Variants in GTPBP4 observed in about 807,000 individuals in gnomAD.
GTPBP4 encodes GTP-binding protein 4.
In GTPBP4, 15 loss-of-function variants were observed where a neutral mutation model predicts 81.7. That is an observed-to-expected ratio of 0.18 (90% CI 0.12 to 0.28). The LOEUF (loss-of-function observed/expected upper bound fraction) is 0.28, where lower values mean the gene tolerates loss of function less well. Ranked by LOEUF, GTPBP4 falls within the 10% of genes least tolerant of loss-of-function variation. The pLI is 1.00. For synonymous variants in GTPBP4, 272 were observed against 274.6 expected, an observed-to-expected ratio of 0.99 and a Z score of 0.09; for missense variants, 847 against 793.8, an observed-to-expected ratio of 1.07 and a Z score of -0.81.
In GTPBP4 at chr10:1,005,060, C is replaced by A. The variant is rs554262087; in HGVS notation, c.913-758C>A. On this transcript the variant is annotated intron_variant, in intron 8 of 16. Transcript: ENST00000360803. ...GCCATCCTCTTGCTTACCCCCTCAC[C>A]GTAGGGAGAACCTCCTCCTGGGTCC... Among the ~76,000 whole-genome samples the A allele has an allele frequency of 4.6e-5, 7 of 152,246 alleles. No homozygotes were observed. The East Asian group carries it at 1.2e-3, about 25-fold the overall frequency.
At chr10:999,243 C>T in intron 6 of GTPBP4, 148 bp downstream of exon 6, 2 of 604,688 alleles carry the variant, frequency 3.3e-6, no homozygotes, top group Non-Finnish European at 6.0e-6. Flanking sequence ...CTCAGCCTTT[C>T]GAGTAGCAGG....
At chr10:992,707 G>A (rs1215741017) in intron 2 of GTPBP4, 48 bp downstream of exon 2, 1 of 1,147,340 alleles carries the variant, frequency 8.7e-7, no homozygotes, top group South Asian at 1.3e-5. Context: ...CGGGCTTTCA[G>A]AGAACCAGTG....
In GTPBP4 at chr10:992,488, G is replaced by A; in HGVS notation, c.49-1G>A. On this transcript the variant is annotated splice_acceptor_variant, in intron 1 of 16. Coordinates refer to ENST00000360803, the MANE Select transcript of GTPBP4 (RefSeq NM_012341.3). LOFTEE classifies it high-confidence loss of function. ...TTATGTTTTATTTTCTTTAATTGCAGGACTTCATAGACCTCACGTTGTCGA... is the reference window on the plus strand; with the variant it reads ...TTATGTTTTATTTTCTTTAATTGCAAGACTTCATAGACCTCACGTTGTCGA... 6.3e-7 allele frequency: 1 copy of A among 1,575,176 alleles called. No individual in the cohort carries two copies. Among genetic ancestry groups the A allele is most frequent in the Non-Finnish European group, 8.7e-7 (1 of 1,147,700 alleles).
intron 1 of GTPBP4, among the ~76,000 whole-genome samples, chr10:990,919 G>A (rs557413523): frequency 3.3e-5 from 5 of 151,840 alleles, no homozygotes; most frequent in South Asian, 4.2e-4. Flanking sequence ...CAGGATGTGC[G>A]AACGGCATTA....
At chr10:1,009,471 G>A in intron 11 of GTPBP4, 58 bp from the exon 12 acceptor site, 1 of 1,092,904 alleles carries the variant, frequency 9.1e-7, no homozygotes, top group Non-Finnish European at 1.4e-6. Context: ...AAGGGGCAGA[G>A]CATTTCTGGA....
intron 8 of GTPBP4, among the ~76,000 whole-genome samples, chr10:1,002,353 CTT>C (rs1385878714): frequency 2.0e-5 from 3 of 152,182 alleles, no homozygotes; most frequent in Non-Finnish European, 4.4e-5. Context: ...CTTCTTGTCT[CTT>C]TTTATTGTTT....
chr10:1,011,815 C>G (rs1419428976), intron 13 of GTPBP4, among the ~76,000 whole-genome samples: 1 of 152,186 alleles, frequency 6.6e-6, no homozygotes, highest in African/African-American at 2.4e-5. Flanking sequence ...TGGCCGCCTG[C>G]CTTCCCAGCC....
In GTPBP4 at chr10:1,004,898, G is replaced by A. The variant is rs181803907; in HGVS notation, c.913-920G>A. ...CCAGCCGCAGTTCCAGTCCCAAGAT[G>A]ATGGAGTATAGCCGCCCCATGGGCC... On this transcript the variant is annotated intron_variant, in intron 8 of 16. Transcript: ENST00000360803. Among the ~76,000 whole-genome samples the A allele has an allele frequency of 3.9e-5, 6 of 152,298 alleles. No individual in the cohort carries two copies. The East Asian group carries it at 1.2e-3, about 29-fold the overall frequency.
At chr10:994,830 C>T (rs929015102) in intron 2 of GTPBP4, among the ~76,000 whole-genome samples, 1 of 152,194 alleles carries the variant, frequency 6.6e-6, no homozygotes. Context: ...TCACTGAATG[C>T]TTATTGTCTG....
rs747289228 is a variant in GTPBP4, at chr10:1,017,053, T to G, written c.1753-22T>G. 5.6e-6 allele frequency: 9 copies of G among 1,599,706 alleles called. No individual in the cohort carries two copies. In the East Asian group the frequency reaches 2.0e-4, roughly 36 times the overall value. On this transcript the variant is annotated intron_variant, in intron 16 of 16. Transcript: ENST00000360803. ...TTGGTTTTAAGTAATGAACATACTT[T>G]ATTTTTTTCTCCTCCTTTTAGATGG... is the stretch of plus-strand genomic sequence containing the variant.
At chr10:999,179 C>A (rs910022076) in intron 6 of GTPBP4, 84 bp downstream of exon 6, 2 of 776,560 alleles carry the variant, frequency 2.6e-6, no homozygotes, top group Non-Finnish European at 4.5e-6. Context: ...AGTGCAGTGG[C>A]ATGATCTCAG....
chr10:1,007,170 C>T (rs373301028), intron 10 of GTPBP4, 42 bp downstream of exon 10: 2 of 1,079,930 alleles, frequency 1.9e-6, no homozygotes, highest in Non-Finnish European at 2.9e-6. Flanking sequence ...ACAGTACTGT[C>T]AGCAGGTGCT....
chr10:1,019,290 T>G lies in GTPBP4; in HGVS notation c.*2063T>G, dbSNP rs904477222. On this transcript the variant is annotated 3_prime_UTR_variant, in exon 17 of 17. Transcript: ENST00000360803. ...AAAATGGAAATTGGGACAAAGGAAA[T>G]GTTAAATTTCCTCCCTGCAACCAGG... The G allele has an allele frequency of 1.8e-5, 9 of 497,160 alleles. No individual in the cohort carries two copies. The Admixed American group carries it at 3.0e-4, about 16-fold the overall frequency. The allele number at this position is 497,160 out of a possible 1,614,324, so 30.8% of individuals were successfully genotyped here. A position where few individuals can be genotyped will look rare whatever the true frequency, so the allele number is the denominator to read the frequency against.
chr10:1,000,080 A>G (rs1398315944), intron 6 of GTPBP4, among the ~76,000 whole-genome samples: 1 of 152,188 alleles, frequency 6.6e-6, no homozygotes, highest in African/African-American at 2.4e-5. Context: ...TTTGTGTTTT[A>G]TGATGTCGCT....
intron 6 of GTPBP4, among the ~76,000 whole-genome samples, chr10:1,000,403 A>T (rs1468710967): frequency 6.6e-6 from 1 of 151,402 alleles, no homozygotes; most frequent in East Asian, 1.9e-4. Context: ...ACGCCCAGCT[A>T]ATTTTTTGTA....
In GTPBP4 at chr10:1,010,614, G is replaced by A. The variant is rs936280054; in HGVS notation, c.1344+94G>A. ...GCATGGCTTCGGCTCAGCTGGGCCTGTCCGCTTCATTCTGCACCCCTCCAT... is the reference window on the plus strand; with the variant it reads ...GCATGGCTTCGGCTCAGCTGGGCCTATCCGCTTCATTCTGCACCCCTCCAT... On this transcript the variant is annotated intron_variant, in intron 13 of 16. Transcript: ENST00000360803. 3.1e-4 allele frequency: 238 copies of A among 773,914 alleles called. 1 individual carries two copies. The highest frequency in any genetic ancestry group is 5.8e-4 in the South Asian group (42 of 72,002). The allele number at this position is 773,914 out of a possible 1,614,324, so 47.9% of individuals were successfully genotyped here.
At chr10:997,351 T>C (rs1367496519) in intron 5 of GTPBP4, 43 bp downstream of exon 5, 2 of 1,039,690 alleles carry the variant, frequency 1.9e-6, no homozygotes, top group African/African-American at 1.6e-5. Flanking sequence ...CTGACTATTT[T>C]ACGTCAGTGT....
chr10:1,006,239 A>T (rs533583821), intron 9 of GTPBP4, among the ~76,000 whole-genome samples: 3 of 152,370 alleles, frequency 2.0e-5, no homozygotes, highest in African/African-American at 7.2e-5. Context: ...AGTAGAAGGG[A>T]GAAAAGTCTG....
At chr10:993,541 C>G (rs1465528047) in intron 2 of GTPBP4, among the ~76,000 whole-genome samples, 1 of 152,138 alleles carries the variant, frequency 6.6e-6, no homozygotes, top group Non-Finnish European at 1.5e-5. Flanking sequence ...GCCACCACGC[C>G]TGGCCTGCCT....
Sources: gnomAD v4.1 joint callset for allele counts (sites outside exome capture counted in the v4.1 genomes callset) on GRCh38, gnomAD v4.1.1 for gene constraint, MANE v1.5 for transcripts, NCBI Gene and HGNC (gene_info 2026-07-23, HGNC 2026-07-21) for gene names.